Variants in EXOC4 observed in about 807,000 individuals in gnomAD.
EXOC4 encodes the protein exocyst complex component 4.
EXOC4 carries 71 observed loss-of-function variants against 107.2 expected under a neutral mutation model. The ratio of observed to expected loss-of-function variants is 0.66; its 90% CI spans 0.55 to 0.81. The LOEUF (loss-of-function observed/expected upper bound fraction) is 0.81. Among genes scored for constraint, EXOC4 ranks in the 30% least tolerant of loss-of-function variants. The pLI is 0.00. For missense variants in EXOC4, 1,108 were observed against 1,189.6 expected, an observed-to-expected ratio of 0.93 and a Z score of 1.01; for synonymous variants, 456 against 441.2, an observed-to-expected ratio of 1.03 and a Z score of -0.42.
At chr7:134,081,901 T>C in the EXOC4 span, among the ~76,000 whole-genome samples, 6 of 152,188 alleles carry the variant, frequency 3.9e-5, no homozygotes, top group African/African-American at 1.4e-4. Flanking sequence ...GAATAGATTG[T>C]GCAACCTTTA....
chr7:133,664,310 G>A (rs536830802), intron 10 of EXOC4, among the ~76,000 whole-genome samples: 9 of 152,000 alleles, frequency 5.9e-5, no homozygotes, highest in African/African-American at 9.7e-5. Context: ...TGTAGTTTTC[G>A]TACCACTTAG....
intron 2 of EXOC4, among the ~76,000 whole-genome samples, chr7:133,282,380 A>G (rs1444550240): frequency 6.6e-6 from 1 of 152,220 alleles, no homozygotes; most frequent in East Asian, 1.9e-4. Flanking sequence ...AGCAAAGGAA[A>G]TTTGTCTCTG....
intron 9 of EXOC4, among the ~76,000 whole-genome samples, chr7:133,580,028 G>GAT (rs1224499038): frequency 1.3e-5 from 2 of 152,144 alleles, no homozygotes; most frequent in African/African-American, 4.8e-5. Context: ...GGACTCCATT[G>GAT]ATTCATATAA....
chr7:133,512,519 C>T (rs1401166801), intron 9 of EXOC4, among the ~76,000 whole-genome samples: 2 of 151,958 alleles, frequency 1.3e-5, no homozygotes, highest in Non-Finnish European at 2.9e-5. Flanking sequence ...AGGATCCTAG[C>T]ATCAGGGAGA....
At chr7:133,316,622 T>C (rs1794997066) in intron 4 of EXOC4, among the ~76,000 whole-genome samples, 1 of 152,250 alleles carries the variant, frequency 6.6e-6, no homozygotes, top group South Asian at 2.1e-4. Context: ...AGTTGATTTA[T>C]GCGTTTATTT....
At chr7:133,842,506 T>G (rs1429535885) in intron 11 of EXOC4, among the ~76,000 whole-genome samples, 2 of 152,244 alleles carry the variant, frequency 1.3e-5, no homozygotes, top group Non-Finnish European at 2.9e-5. Context: ...TGATTATTGC[T>G]TGTAAATTTG....
At chr7:133,548,496 G>T (rs1007077274) in intron 9 of EXOC4, among the ~76,000 whole-genome samples, 2 of 152,070 alleles carry the variant, frequency 1.3e-5, no homozygotes, top group East Asian at 3.9e-4. Context: ...TCCAATAGAA[G>T]GCTGTTTCAT....
chr7:133,380,005 C>G (rs1300794696), intron 7 of EXOC4, among the ~76,000 whole-genome samples: 1 of 151,298 alleles, frequency 6.6e-6, no homozygotes, highest in Non-Finnish European at 1.5e-5. Context: ...GTGATTTGGC[C>G]ACATGTTCTC....
At chr7:133,679,128 C>T (rs1202037567) in intron 10 of EXOC4, among the ~76,000 whole-genome samples, 1 of 152,160 alleles carries the variant, frequency 6.6e-6, no homozygotes, top group African/African-American at 2.4e-5. Context: ...GTGCTCCCAA[C>T]CATAGAAAAG....
chr7:133,425,206 G>A (rs1383237759), intron 7 of EXOC4, among the ~76,000 whole-genome samples: 5 of 152,154 alleles, frequency 3.3e-5, no homozygotes, highest in Non-Finnish European at 7.4e-5. Context: ...TTAGAAGTCG[G>A]TAGTCTGGGG....
At chr7:133,724,439 G>T (rs547394068) in intron 10 of EXOC4, among the ~76,000 whole-genome samples, 2 of 152,188 alleles carry the variant, frequency 1.3e-5, no homozygotes, top group South Asian at 4.2e-4. Flanking sequence ...CATTTACTCA[G>T]CACTCATTCA....
At chr7:133,895,803 T>C in intron 12 of EXOC4, 68 bp downstream of exon 12, 1 of 1,533,454 alleles carries the variant, frequency 6.5e-7, no homozygotes, top group Non-Finnish European at 8.9e-7. Context: ...TTGGTGAAAT[T>C]GCTTCAATAG....
At chr7:133,268,996 A>G (rs1417344442) in intron 1 of EXOC4, among the ~76,000 whole-genome samples, 1 of 152,230 alleles carries the variant, frequency 6.6e-6, no homozygotes, top group Non-Finnish European at 1.5e-5. Context: ...TGAACTTGAC[A>G]ATAATTTATA....
In EXOC4 at chr7:133,338,623, A is replaced by AT. The variant is rs1164633127; in HGVS notation, c.764-17702dup. ...TCAAAAAAAAAAAAAAAAAAAAAAAATTTTTATTTCATTAGTTTTTGGGGA... is the reference window on the plus strand; with the variant it reads ...TCAAAAAAAAAAAAAAAAAAAAAAAATTTTTTATTTCATTAGTTTTTGGGGA... On this transcript the variant is annotated intron_variant, in intron 5 of 17. Transcript: ENST00000253861. Among the ~76,000 whole-genome samples the AT allele has an allele frequency of 9.3e-3, 897 of 96,394 alleles. 17 individuals carry two copies. Among genetic ancestry groups the AT allele is most frequent in the African/African-American group, 0.034 (869 of 25,276 alleles). The allele number at this position is 96,394 out of a possible 152,430, so 63.2% of individuals were successfully genotyped here.
At chr7:134,093,564 A>G in the EXOC4 span, among the ~76,000 whole-genome samples, 1 of 152,054 alleles carries the variant, frequency 6.6e-6, no homozygotes, top group East Asian at 1.9e-4. Flanking sequence ...TCAACACTTC[A>G]CCAATTGGAC....
intron 9 of EXOC4, among the ~76,000 whole-genome samples, chr7:133,615,562 T>A (rs929997888): frequency 4.6e-5 from 7 of 152,156 alleles, no homozygotes; most frequent in African/African-American, 1.7e-4. Context: ...CCTGCTTTGT[T>A]CAAGGATTAG....
chr7:133,337,697 G>A (rs1237592406), intron 5 of EXOC4, among the ~76,000 whole-genome samples: 1 of 130,544 alleles, frequency 7.7e-6, no homozygotes, highest in African/African-American at 2.9e-5. Context: ...ACAGTGGCGC[G>A]ATCTTGGCTT....
the EXOC4 span, among the ~76,000 whole-genome samples, chr7:134,098,836 C>T: frequency 6.6e-6 from 1 of 152,280 alleles, no homozygotes; most frequent in South Asian, 2.1e-4. Context: ...TAGCTTGGAG[C>T]CACGTCCAAC....
chr7:133,871,518 C>T (rs183904266), intron 11 of EXOC4, among the ~76,000 whole-genome samples: 91 of 152,280 alleles, frequency 6.0e-4, no homozygotes, highest in African/African-American at 2.0e-3. Context: ...GTTTTCCCCC[C>T]ACAGCCTTAT....
Sources: allele counts gnomAD v4.1 joint callset (sites outside exome capture counted in the v4.1 genomes callset), GRCh38; gene constraint gnomAD v4.1.1; transcripts MANE v1.5; gene names NCBI Gene and HGNC (gene_info 2026-07-23, HGNC 2026-07-21).